The following DCC variants were observed in gnomAD, a reference collection of about 807,000 sequenced individuals.
DCC encodes the protein netrin receptor DCC.
In DCC, 58 loss-of-function variants were observed where a neutral mutation model predicts 172.5. The ratio of observed to expected loss-of-function variants is 0.34; its 90% CI spans 0.27 to 0.42. The LOEUF is 0.42. DCC is among the 10% of genes least tolerant of loss of function. The probability of loss-of-function intolerance (pLI) is 1.00; values close to 1 mark genes in which losing one functional copy is unlikely to be tolerated. For missense variants in DCC, 1,740 were observed against 1,791.0 expected (o/e 0.97, Z 0.51); for synonymous variants, 709 against 644.5 (o/e 1.10, Z -1.52).
chr18:52,588,410 C>T (rs1380361568), intron 1 of DCC, among the ~76,000 whole-genome samples: 1 of 152,186 alleles, frequency 6.6e-6, no homozygotes, highest in Non-Finnish European at 1.5e-5. Flanking sequence ...GATAAATGGA[C>T]TGGAGTAACA....
chr18:53,064,490 C>G (rs1425422651), intron 6 of DCC, among the ~76,000 whole-genome samples: 1 of 152,118 alleles, frequency 6.6e-6, no homozygotes, highest in Non-Finnish European at 1.5e-5. Context: ...GCATAGTCAT[C>G]CTATGAGTCC....
At chr18:53,127,136 G>GTTTTTTTTTTTTTTTTTTTTTATTTTT (rs11285251) in intron 7 of DCC, among the ~76,000 whole-genome samples, 1 of 129,264 alleles carries the variant, frequency 7.7e-6, no homozygotes, top group Non-Finnish European at 1.7e-5. Flanking sequence ...TTTGATCGTT[G>GTTTTTTTTTTTTTTTTTTTTTATTTTT]TTTTTTTTTT....
At chr18:52,792,183 C>T (rs996439918) in intron 2 of DCC, among the ~76,000 whole-genome samples, 1 of 151,354 alleles carries the variant, frequency 6.6e-6, no homozygotes, top group African/African-American at 2.4e-5. Context: ...GAGTGATGCT[C>T]ACTGTGGGGG....
At chr18:53,257,316 T>C (rs954689844) in intron 12 of DCC, among the ~76,000 whole-genome samples, 1 of 152,186 alleles carries the variant, frequency 6.6e-6, no homozygotes, top group Non-Finnish European at 1.5e-5. Context: ...TGCTTCCAGT[T>C]TTTGCCCATT....
At chr18:53,135,930 G>A (rs1270020987) in intron 7 of DCC, among the ~76,000 whole-genome samples, 1 of 152,088 alleles carries the variant, frequency 6.6e-6, no homozygotes, top group Non-Finnish European at 1.5e-5. Context: ...TTCTATTGAT[G>A]AAATAGAAAA....
At chr18:52,820,279 CTGA>C (rs2038382307) in intron 2 of DCC, among the ~76,000 whole-genome samples, 1 of 152,124 alleles carries the variant, frequency 6.6e-6, no homozygotes, top group Non-Finnish European at 1.5e-5. Context: ...AGTGATGAAA[CTGA>C]TGATGATTTT....
At chr18:53,341,936 C>T (rs1329984383) in intron 15 of DCC, among the ~76,000 whole-genome samples, 1 of 151,854 alleles carries the variant, frequency 6.6e-6, no homozygotes, top group Non-Finnish European at 1.5e-5. Flanking sequence ...AGGCAAAGCT[C>T]TCTAGTCATT....
chr18:53,280,447 T>A (rs1388893710), intron 12 of DCC, among the ~76,000 whole-genome samples: 1 of 152,162 alleles, frequency 6.6e-6, no homozygotes, highest in Non-Finnish European at 1.5e-5. Flanking sequence ...TCCAATCTTG[T>A]TCCTAATCTC....
chr18:52,845,908 T>C (rs1335646384), intron 2 of DCC, among the ~76,000 whole-genome samples: 4 of 150,090 alleles, frequency 2.7e-5, no homozygotes, highest in African/African-American at 9.8e-5. Context: ...TCCTTAGAGG[T>C]TAGTTTGTTG....
At chr18:53,512,002 C>T (rs942976120) in intron 27 of DCC, among the ~76,000 whole-genome samples, 3 of 152,192 alleles carry the variant, frequency 2.0e-5, no homozygotes, top group African/African-American at 7.2e-5. Flanking sequence ...TAGGCTCCAC[C>T]TCTGGGGGCA....
chr18:52,890,398 G>A (rs757089046), intron 2 of DCC, among the ~76,000 whole-genome samples: 27 of 151,918 alleles, frequency 1.8e-4, no homozygotes, highest in Non-Finnish European at 2.6e-4. Context: ...TAGAACATAT[G>A]GTTACTGATA....
At chr18:53,339,644 A>G in intron 14 of DCC, 69 bp from the exon 15 acceptor site, 2 of 1,173,340 alleles carry the variant, frequency 1.7e-6, no homozygotes, top group Non-Finnish European at 1.3e-6. Flanking sequence ...TCTCTTGCTT[A>G]AATGGTGTTC....
At chr18:53,446,081 A>C in intron 22 of DCC, among the ~76,000 whole-genome samples, 1 of 130,554 alleles carries the variant, frequency 7.7e-6, no homozygotes, top group South Asian at 2.5e-4. Flanking sequence ...GGGCAACATA[A>C]GAAGACCCTG....
intron 2 of DCC, among the ~76,000 whole-genome samples, chr18:52,836,908 C>T (rs2038716610): frequency 6.6e-6 from 1 of 152,242 alleles, no homozygotes; most frequent in African/African-American, 2.4e-5. Context: ...TTGCAGGAAA[C>T]TTCTACCTGA....
intron 1 of DCC, among the ~76,000 whole-genome samples, chr18:52,658,700 T>C: frequency 6.6e-6 from 1 of 152,182 alleles, no homozygotes; most frequent in East Asian, 1.9e-4. Flanking sequence ...GTAGCAGAGA[T>C]TTTGTGTGTG....
In DCC at chr18:53,534,361, C is replaced by G. The variant is rs1178789481; in HGVS notation, c.*3708C>G. 6.6e-6 allele frequency: 1 copy of G among 152,218 alleles called. No homozygotes were observed. Among genetic ancestry groups the G allele is most frequent in the Non-Finnish European group, 1.5e-5 (1 of 68,042 alleles). 9.4% of individuals were successfully genotyped at this position (152,218 alleles called of 1,614,324 possible). A position where few individuals can be genotyped will look rare whatever the true frequency, so the allele number is the denominator to read the frequency against. Reference sequence around the variant, plus strand: ...TGCAGAGCAGGGTTACTTTCCCTTTCACTCAGTTCCCTTCATGCAACCACA... The same window carrying G: ...TGCAGAGCAGGGTTACTTTCCCTTTGACTCAGTTCCCTTCATGCAACCACA... On this transcript the variant is annotated 3_prime_UTR_variant, in exon 29 of 29. Transcript: ENST00000442544.
intron 1 of DCC, among the ~76,000 whole-genome samples, chr18:52,501,635 C>A (rs1425914388): frequency 6.6e-6 from 1 of 152,112 alleles, no homozygotes; most frequent in African/African-American, 2.4e-5. Flanking sequence ...ACGGAAGTGG[C>A]ATGTTGGAGA....
chr18:53,390,255 C>G (rs1908455279), intron 16 of DCC, among the ~76,000 whole-genome samples: 1 of 122,918 alleles, frequency 8.1e-6, no homozygotes, highest in Admixed American at 7.6e-5. Flanking sequence ...TTCTCTTTCT[C>G]TCTCTCTCTC....
intron 12 of DCC, among the ~76,000 whole-genome samples, chr18:53,258,439 A>T (rs2056551187): frequency 6.6e-6 from 1 of 152,038 alleles, no homozygotes; most frequent in Admixed American, 6.6e-5. Context: ...TTCAAAGAAC[A>T]TCTTTATTTC....
Sources: allele counts gnomAD v4.1 joint callset (sites outside exome capture counted in the v4.1 genomes callset), GRCh38; gene constraint gnomAD v4.1.1; transcripts MANE v1.5; gene names NCBI Gene and HGNC (gene_info 2026-07-23, HGNC 2026-07-21).